Variants in STAU2 observed in about 807,000 individuals in gnomAD.
STAU2 encodes double-stranded RNA-binding protein Staufen homolog 2.
STAU2 carries 20 observed loss-of-function variants against 65.9 expected under a neutral mutation model. That is an observed-to-expected ratio of 0.30 (90% CI 0.21 to 0.44). The LOEUF (loss-of-function observed/expected upper bound fraction) is 0.44, where lower values mean the gene tolerates loss of function less well. Among genes scored for constraint, STAU2 ranks in the 20% least tolerant of loss-of-function variants. The pLI is 1.00. For synonymous variants in STAU2, 232 were observed against 233.9 expected, an observed-to-expected ratio of 0.99 and a Z score of 0.07; for missense variants, 558 against 683.9, an observed-to-expected ratio of 0.82 and a Z score of 2.05.
At chr8:73,612,865 A>T (rs116984961) in intron 9 of STAU2, among the ~76,000 whole-genome samples, 1 of 152,308 alleles carries the variant, frequency 6.6e-6, no homozygotes, top group East Asian at 1.9e-4. Context: ...AAATGCTGGC[A>T]ATTTAAGGCT....
At chr8:73,694,090 A>C (rs1819539053) in intron 4 of STAU2, among the ~76,000 whole-genome samples, 1 of 152,252 alleles carries the variant, frequency 6.6e-6, no homozygotes, top group Non-Finnish European at 1.5e-5. Flanking sequence ...AGTAAAGACT[A>C]TTACCAGTGG....
intron 12 of STAU2, among the ~76,000 whole-genome samples, chr8:73,555,636 TATA>T (rs1807693798): frequency 6.6e-6 from 1 of 150,908 alleles, no homozygotes; most frequent in African/African-American, 2.4e-5. Flanking sequence ...ACTAATACAA[TATA>T]ATAACTATTT....
intron 13 of STAU2, among the ~76,000 whole-genome samples, chr8:73,496,943 C>T (rs920725337): frequency 1.3e-5 from 2 of 151,636 alleles, no homozygotes; most frequent in African/African-American, 4.8e-5. Flanking sequence ...ATTTTTATTA[C>T]TTTGTTGTTG....
At chr8:73,446,523 T>C (rs1436491650) in intron 13 of STAU2, among the ~76,000 whole-genome samples, 1 of 152,258 alleles carries the variant, frequency 6.6e-6, no homozygotes, top group East Asian at 1.9e-4. Flanking sequence ...GTGGGACCTC[T>C]CTGTACTATT....
At chr8:73,604,978 C>T (rs750263105) in intron 9 of STAU2, among the ~76,000 whole-genome samples, 37 of 151,702 alleles carry the variant, frequency 2.4e-4, no homozygotes, top group Non-Finnish European at 3.2e-4. Flanking sequence ...TCCACAGATG[C>T]ATTATTTGAA....
At chr8:73,583,959 T>C (rs922408728) in intron 11 of STAU2, among the ~76,000 whole-genome samples, 1 of 152,152 alleles carries the variant, frequency 6.6e-6, no homozygotes, top group African/African-American at 2.4e-5. Context: ...AAAGGTCAAA[T>C]AGATAATTAA....
intron 10 of STAU2, among the ~76,000 whole-genome samples, chr8:73,601,084 C>A (rs1330537975): frequency 6.6e-6 from 1 of 152,100 alleles, no homozygotes; most frequent in Non-Finnish European, 1.5e-5. Context: ...ATGTTAATTT[C>A]TATCTGTAAA....
At chr8:73,562,516 A>T (rs1466995941) in intron 12 of STAU2, among the ~76,000 whole-genome samples, 1 of 152,190 alleles carries the variant, frequency 6.6e-6, no homozygotes, top group Non-Finnish European at 1.5e-5. Context: ...GATTTTTCTC[A>T]CTGTAAAACC....
chr8:73,472,850 A>C (rs1215106048), intron 13 of STAU2, among the ~76,000 whole-genome samples: 1 of 152,220 alleles, frequency 6.6e-6, no homozygotes, highest in South Asian at 2.1e-4. Context: ...TGTTTCACCA[A>C]GAAGAATTCA....
chr8:73,652,239 GC>G (rs1241983048), intron 6 of STAU2: 3 of 152,046 alleles, frequency 2.0e-5, no homozygotes, highest in Non-Finnish European at 4.4e-5. Context: ...ATAGAAGTAT[GC>G]ATTACTTACT....
intron 5 of STAU2, among the ~76,000 whole-genome samples, chr8:73,679,977 C>CT (rs1563501520): frequency 7.2e-5 from 7 of 96,988 alleles, no homozygotes; most frequent in Admixed American, 2.4e-4. Context: ...CTAGGGAAGC[C>CT]ATTTTTTTTT....
chr8:73,637,468 TGCTGAAAGTAAAAAAAAAAAA>T (rs1402095041), intron 6 of STAU2, among the ~76,000 whole-genome samples: 12 of 55,858 alleles, frequency 2.1e-4, no homozygotes, highest in African/African-American at 1.0e-3. Flanking sequence ...CTTTATAAAG[TGCTGAAAGTAAAAAAAAAAAA>T]AAAAAAAAAA....
chr8:73,496,877 T>A (rs1174183803), intron 13 of STAU2, among the ~76,000 whole-genome samples: 3 of 151,706 alleles, frequency 2.0e-5, no homozygotes, highest in Non-Finnish European at 4.4e-5. Context: ...GGCTAATGGT[T>A]AACGTATTAG....
intron 13 of STAU2, among the ~76,000 whole-genome samples, chr8:73,510,838 G>C (rs999183974): frequency 2.0e-5 from 3 of 152,208 alleles, no homozygotes; most frequent in Non-Finnish European, 4.4e-5. Context: ...GGGGATTATA[G>C]AAACTACAAT....
chr8:73,660,148 A>T (rs1034881234), intron 6 of STAU2, among the ~76,000 whole-genome samples: 54 of 152,100 alleles, frequency 3.6e-4, no homozygotes, highest in African/African-American at 1.2e-3. Flanking sequence ...GGATATGAAA[A>T]ATGTTAAACT....
intron 7 of STAU2, 84 bp from the exon 8 acceptor site, chr8:73,615,866 A>C (rs952937971): frequency 1.0e-6 from 1 of 990,206 alleles, no homozygotes; most frequent in Admixed American, 1.9e-5. Flanking sequence ...TGGCCTATTT[A>C]AATTACAAGA....
chr8:73,573,543 A>T lies in STAU2; in HGVS notation c.1222+9227T>A, dbSNP rs1181780924. Among the ~76,000 whole-genome samples the T allele has an allele frequency of 2.6e-5, 4 of 152,252 alleles. No homozygotes were observed. The South Asian group carries it at 6.2e-4, about 24-fold the overall frequency. ...GTAACCAAAACAGCAGCGTACTGGTACCAAAACAGAGATATAGACCAATGG... is the reference window on the plus strand; with the variant it reads ...GTAACCAAAACAGCAGCGTACTGGTTCCAAAACAGAGATATAGACCAATGG... On this transcript the variant is annotated intron_variant, in intron 12 of 14. Transcript: ENST00000524300.
chr8:73,481,759 T>TA (rs1213769216), intron 13 of STAU2, among the ~76,000 whole-genome samples: 1 of 152,164 alleles, frequency 6.6e-6, no homozygotes. Context: ...AGGTAGGAAA[T>TA]ACTGCTTGTT....
intron 6 of STAU2, among the ~76,000 whole-genome samples, chr8:73,646,974 C>CAT (rs60520720): frequency 6.7e-6 from 1 of 148,954 alleles, no homozygotes; most frequent in Non-Finnish European, 1.5e-5. Flanking sequence ...CACACACACA[C>CAT]GAAAAGATGT....
Sources: gnomAD v4.1 joint callset for allele counts (sites outside exome capture counted in the v4.1 genomes callset) on GRCh38, gnomAD v4.1.1 for gene constraint, MANE v1.5 for transcripts, NCBI Gene and HGNC (gene_info 2026-07-23, HGNC 2026-07-21) for gene names.